Variants in ARHGAP6 observed in about 807,000 individuals in gnomAD.
ARHGAP6 encodes Rho GTPase activating protein 6.
A neutral mutation model predicts 55.7 loss-of-function variants in ARHGAP6; 16 were observed. That is an observed-to-expected ratio of 0.29 (90% CI 0.19 to 0.44). The LOEUF (loss-of-function observed/expected upper bound fraction) is 0.44. ARHGAP6 is among the 20% of genes least tolerant of loss of function. ARHGAP6 has a pLI of 1.00. For synonymous variants in ARHGAP6, 382 were observed against 360.9 expected, an observed-to-expected ratio of 1.06 and a Z score of -0.66; for missense variants, 698 against 808.9, an observed-to-expected ratio of 0.86 and a Z score of 1.66.
intron 1 of ARHGAP6, among the ~76,000 whole-genome samples, chrX:11,525,057 A>T (rs186576030): frequency 9.0e-6 from 1 of 111,682 alleles, no homozygotes; most frequent in Admixed American, 9.5e-5. Flanking sequence ...ATGCAGATGA[A>T]GTTTCACTCA....
intron 1 of ARHGAP6, among the ~76,000 whole-genome samples, chrX:11,277,262 T>C (rs2047785078): frequency 8.9e-6 from 1 of 111,872 alleles, no homozygotes; most frequent in Non-Finnish European, 1.9e-5. Flanking sequence ...TACTAAATTT[T>C]GCTTGTCCAT....
At chrX:11,407,468 T>C (rs1881008085) in intron 1 of ARHGAP6, among the ~76,000 whole-genome samples, 1 of 112,381 alleles carries the variant, frequency 8.9e-6, no homozygotes, top group Non-Finnish European at 1.9e-5. Flanking sequence ...CATGTATAAG[T>C]TTTTTGTGTA....
intron 10 of ARHGAP6, chrX:11,148,885 T>C: frequency 1.7e-5 from 4 of 237,857 alleles, no homozygotes; most frequent in Non-Finnish European, 3.2e-5. Context: ...ACTGAAAGCA[T>C]TGTATCATCC....
At chrX:11,537,534 T>C (rs1337702328) in intron 1 of ARHGAP6, among the ~76,000 whole-genome samples, 1 of 112,277 alleles carries the variant, frequency 8.9e-6, no homozygotes, top group African/African-American at 3.2e-5. Context: ...GTCTCTAATA[T>C]CTACAAAGCA....
At chrX:11,468,148 G>T (rs192039092) in intron 1 of ARHGAP6, among the ~76,000 whole-genome samples, 94 of 111,409 alleles carry the variant, frequency 8.4e-4, no homozygotes, top group African/African-American at 2.9e-3. Context: ...TTCCAATGAT[G>T]TTCTATTTCT....
chrX:11,172,137 C>T (rs181821613), intron 8 of ARHGAP6, among the ~76,000 whole-genome samples: 23 of 110,990 alleles, frequency 2.1e-4, no homozygotes, highest in Non-Finnish European at 3.6e-4. Context: ...CATCCTGTGG[C>T]GTCATGAGCT....
chrX:11,348,236 A>G (rs1341493885), intron 1 of ARHGAP6, among the ~76,000 whole-genome samples: 3 of 112,474 alleles, frequency 2.7e-5, no homozygotes, highest in Non-Finnish European at 5.6e-5. Flanking sequence ...TGGATATTTC[A>G]AAGTCCACAT....
At chrX:11,521,200 T>C (rs996601176) in intron 1 of ARHGAP6, among the ~76,000 whole-genome samples, 18 of 112,345 alleles carry the variant, frequency 1.6e-4, no homozygotes, top group African/African-American at 5.2e-4. Context: ...CTGTTGCCAT[T>C]GCTTTTGGTG....
intron 1 of ARHGAP6, among the ~76,000 whole-genome samples, chrX:11,401,837 T>C (rs912110751): frequency 2.7e-5 from 3 of 112,789 alleles, no homozygotes; most frequent in Non-Finnish European, 5.6e-5. Flanking sequence ...ATTGTATATA[T>C]TTCCTGTTTT....
At chrX:11,560,028 T>A (rs928518884) in intron 1 of ARHGAP6, among the ~76,000 whole-genome samples, 1 of 109,976 alleles carries the variant, frequency 9.1e-6, no homozygotes, top group African/African-American at 3.3e-5. Context: ...CTTTAAAAGC[T>A]AAGAAACATG....
At chrX:11,350,459 A>G (rs2048848504) in intron 1 of ARHGAP6, among the ~76,000 whole-genome samples, 2 of 112,438 alleles carry the variant, frequency 1.8e-5, no homozygotes, top group South Asian at 3.7e-4. Context: ...TTAAAGATGA[A>G]TATAATTTGG....
At chrX:11,441,437 T>C (rs1245413266) in intron 1 of ARHGAP6, among the ~76,000 whole-genome samples, 1 of 111,754 alleles carries the variant, frequency 8.9e-6, no homozygotes, top group Non-Finnish European at 1.9e-5. Flanking sequence ...AATTTGCTTT[T>C]CCTAAGACAA....
intron 8 of ARHGAP6, among the ~76,000 whole-genome samples, chrX:11,169,965 C>CTGTT (rs2046067627): frequency 9.0e-6 from 1 of 111,012 alleles, no homozygotes; most frequent in Admixed American, 9.6e-5. Flanking sequence ...AATTTCTATC[C>CTGTT]TGTTTGCACT....
chrX:11,479,097 AAAGGC>A (rs1451593363), intron 1 of ARHGAP6, among the ~76,000 whole-genome samples: 7 of 112,069 alleles, frequency 6.2e-5, no homozygotes, highest in Non-Finnish European at 9.4e-5. Context: ...CACTTTAACG[AAAGGC>A]GGCTTTCTCC....
Position 11,179,384 on chromosome X carries a change from T to C in ARHGAP6, c.1398A>G (p.Ala466=). The C allele has an allele frequency of 8.3e-7, 1 of 1,210,544 alleles. No homozygotes were observed. Among genetic ancestry groups the C allele is most frequent in the African/African-American group, 1.7e-5 (1 of 57,633 alleles). The stretch of plus-strand genomic sequence containing the variant: ...CCCTCAGGAACTCTTTCAGCAAGGC[T>C]GCCACATCATGAACACTGTGCTCCT... ...LEEEHSVHDV[A]ALLKEFLRDM... is the part of the protein sequence containing the mutation. Residue 466 remains alanine (A), a synonymous_variant, in exon 7 of 13, where the codon GCA becomes GCG. Transcript: ENST00000337414.
intron 1 of ARHGAP6, among the ~76,000 whole-genome samples, chrX:11,341,032 C>T (rs1031114352): frequency 6.3e-5 from 5 of 78,745 alleles, no homozygotes; most frequent in Non-Finnish European, 8.8e-5. Flanking sequence ...GGGTTGACTA[C>T]GAAAAGGCAG....
At chrX:11,425,242 A>G (rs972459863) in intron 1 of ARHGAP6, among the ~76,000 whole-genome samples, 1 of 112,068 alleles carries the variant, frequency 8.9e-6, no homozygotes, top group Non-Finnish European at 1.9e-5. Context: ...CCCAAAAAAA[A>G]CCCAAGATCA....
intron 1 of ARHGAP6, among the ~76,000 whole-genome samples, chrX:11,628,031 G>A (rs1401091864): frequency 8.9e-6 from 1 of 112,120 alleles, no homozygotes; most frequent in African/African-American, 3.2e-5. Context: ...CATTAACAAT[G>A]TAATATAAAA....
chrX:11,637,782 TAA>T (rs1403070729), intron 1 of ARHGAP6, among the ~76,000 whole-genome samples: 7 of 110,762 alleles, frequency 6.3e-5, no homozygotes, highest in African/African-American at 2.3e-4. Flanking sequence ...TTTGGCATTT[TAA>T]GTCTTCTTAA....
Sources: allele counts gnomAD v4.1 joint callset (sites outside exome capture counted in the v4.1 genomes callset), GRCh38; gene constraint gnomAD v4.1.1; transcripts MANE v1.5; gene names NCBI Gene and HGNC (gene_info 2026-07-23, HGNC 2026-07-21).